Variants in NRXN3 observed in about 807,000 individuals in gnomAD.
NRXN3 encodes neurexin 3.
Under a neutral mutation model 137.6 loss-of-function variants are expected in NRXN3, and 32 were observed. The observed-to-expected ratio is 0.23, with a 90% CI of 0.18 to 0.31. NRXN3 has a LOEUF of 0.31. NRXN3 is among the 10% of genes least tolerant of loss of function. The pLI, the probability that NRXN3 is intolerant of heterozygous loss-of-function variation, is 1.00. For synonymous variants in NRXN3, 798 were observed against 784.5 expected (o/e 1.02, Z -0.29); for missense variants, 1,574 against 2,062.5 (o/e 0.76, Z 4.59).
intron 4 of NRXN3, among the ~76,000 whole-genome samples, chr14:78,620,795 T>A (rs1390073228): frequency 2.6e-5 from 4 of 152,172 alleles, no homozygotes; most frequent in African/African-American, 7.2e-5. Flanking sequence ...AGTTATTATA[T>A]TATTATACCT....
intron 3 of NRXN3, chr14:78,282,152 T>G (rs1596738525): frequency 4.0e-6 from 2 of 500,216 alleles, no homozygotes; most frequent in African/African-American, 1.9e-5. Flanking sequence ...CCCTGTCAGG[T>G]GCCTTATCCC....
At chr14:79,563,428 C>A (rs2097520630) in intron 16 of NRXN3, among the ~76,000 whole-genome samples, 3 of 151,968 alleles carry the variant, frequency 2.0e-5, no homozygotes, top group South Asian at 4.2e-4. Context: ...TTATGGGTAT[C>A]AGTTTTAAGG....
intron 15 of NRXN3, among the ~76,000 whole-genome samples, chr14:79,361,414 C>T (rs2093676469): frequency 1.3e-5 from 2 of 152,096 alleles, no homozygotes. Context: ...CCTGACCAAA[C>T]AATTGATTAC....
chr14:79,706,663 G>C (rs1432278697), intron 19 of NRXN3, among the ~76,000 whole-genome samples: 1 of 151,992 alleles, frequency 6.6e-6, no homozygotes, highest in Non-Finnish European at 1.5e-5. Context: ...CAGATATGCT[G>C]GCTCCTAGTG....
At chr14:79,362,678 G>A (rs539517682) in intron 15 of NRXN3, among the ~76,000 whole-genome samples, 4 of 152,238 alleles carry the variant, frequency 2.6e-5, no homozygotes, top group East Asian at 1.9e-4. Flanking sequence ...ATTATGTGAC[G>A]CAGATGCCAA....
At chr14:78,317,765 C>T (rs2078880410) in intron 4 of NRXN3, among the ~76,000 whole-genome samples, 1 of 152,192 alleles carries the variant, frequency 6.6e-6, no homozygotes, top group Admixed American at 6.5e-5. Flanking sequence ...CGTAAAATTA[C>T]ACTTCACAAG....
intron 15 of NRXN3, among the ~76,000 whole-genome samples, chr14:79,441,595 T>G (rs1177964381): frequency 4.0e-5 from 6 of 151,794 alleles, no homozygotes; most frequent in Non-Finnish European, 8.8e-5. Context: ...TTAGCCAGGA[T>G]GGTCTCGATC....
At chr14:79,142,144 A>G (rs879212045) in intron 15 of NRXN3, among the ~76,000 whole-genome samples, 1 of 152,308 alleles carries the variant, frequency 6.6e-6, no homozygotes, top group African/African-American at 2.4e-5. Context: ...AAAAGGGCAG[A>G]CAGGCCAGGC....
At chr14:79,816,645 T>C (rs986696703) in intron 20 of NRXN3, among the ~76,000 whole-genome samples, 1 of 152,250 alleles carries the variant, frequency 6.6e-6, no homozygotes, top group Non-Finnish European at 1.5e-5. Context: ...ATACATTTTC[T>C]GAGCACATAG....
At chr14:78,990,201 T>G (rs1436810240) in intron 15 of NRXN3, among the ~76,000 whole-genome samples, 1 of 152,144 alleles carries the variant, frequency 6.6e-6, no homozygotes, top group Non-Finnish European at 1.5e-5. Flanking sequence ...ATTTTGAATT[T>G]TATTCTGTAA....
At chr14:78,240,410 T>C (rs1024968162) in intron 1 of NRXN3, among the ~76,000 whole-genome samples, 3 of 152,202 alleles carry the variant, frequency 2.0e-5, no homozygotes, top group Non-Finnish European at 2.9e-5. Context: ...CCATGGAACA[T>C]GGGCTATACA....
chr14:79,275,738 G>C (rs951222653), intron 15 of NRXN3, among the ~76,000 whole-genome samples: 2 of 151,372 alleles, frequency 1.3e-5, no homozygotes, highest in East Asian at 3.9e-4. Flanking sequence ...GGATGGGGGG[G>C]GGGACATTTA....
intron 10 of NRXN3, among the ~76,000 whole-genome samples, chr14:78,873,875 A>G (rs1247669650): frequency 6.7e-6 from 1 of 149,626 alleles, no homozygotes; most frequent in Non-Finnish European, 1.5e-5. Flanking sequence ...ATTTTATTAG[A>G]AAAAAAGTGA....
chr14:79,079,862 C>A (rs564211979), intron 15 of NRXN3, among the ~76,000 whole-genome samples: 85 of 152,160 alleles, frequency 5.6e-4, no homozygotes, highest in African/African-American at 2.0e-3. Context: ...GTGGTGCACA[C>A]CTGTAATCCC....
chr14:79,791,877 C>A (rs2099146482), intron 19 of NRXN3, among the ~76,000 whole-genome samples: 1 of 152,170 alleles, frequency 6.6e-6, no homozygotes, highest in African/African-American at 2.4e-5. Flanking sequence ...GGTCACATTG[C>A]CAGCTCTCGC....
At chr14:79,103,696 C>G (rs943582049) in intron 15 of NRXN3, among the ~76,000 whole-genome samples, 1 of 152,068 alleles carries the variant, frequency 6.6e-6, no homozygotes, top group African/African-American at 2.4e-5. Flanking sequence ...AAAAAAAGAC[C>G]CACGTTCTTA....
intron 15 of NRXN3, among the ~76,000 whole-genome samples, chr14:79,117,013 C>G (rs926948467): frequency 1.3e-5 from 2 of 152,130 alleles, no homozygotes; most frequent in African/African-American, 2.4e-5. Flanking sequence ...ATTGACATAC[C>G]TTTATCTACT....
At position 79,817,464 on chromosome 14, in the gene NRXN3, C is replaced by T. The variant is rs191639955; in HGVS notation, c.4093+12274C>T. On this transcript the variant is annotated intron_variant, in intron 20 of 20. Transcript: ENST00000335750. The stretch of plus-strand genomic sequence containing the variant: ...TGCCACTGCTACAACTTTGTTTCAT[C>T]ATTCAGTGAATATTAGCACTTCCTT... Among the ~76,000 whole-genome samples, 276 of 152,356 alleles carry T rather than the reference C, an allele frequency of 1.8e-3. 1 individual carries two copies. Among genetic ancestry groups the T allele is most frequent in the African/African-American group, 5.9e-3 (247 of 41,572 alleles).
At chr14:78,818,500 C>T (rs1246122395) in intron 10 of NRXN3, among the ~76,000 whole-genome samples, 5 of 152,094 alleles carry the variant, frequency 3.3e-5, no homozygotes, top group South Asian at 2.1e-4. Flanking sequence ...GTGAATTTGT[C>T]GTCTTAACCT....
Sources: gnomAD v4.1 joint callset for allele counts (sites outside exome capture counted in the v4.1 genomes callset) on GRCh38, gnomAD v4.1.1 for gene constraint, MANE v1.5 for transcripts, NCBI Gene and HGNC (gene_info 2026-07-23, HGNC 2026-07-21) for gene names.